The following MAP7D2 variants were observed in gnomAD, a reference collection of about 807,000 sequenced individuals.
The protein encoded by MAP7D2 is MAP7 domain containing 2.
A neutral mutation model predicts 63.5 loss-of-function variants in MAP7D2; 33 were observed. The ratio of observed to expected loss-of-function variants is 0.52; its 90% CI spans 0.39 to 0.70. The LOEUF (loss-of-function observed/expected upper bound fraction) is 0.70. Among genes scored for constraint, MAP7D2 ranks in the 30% least tolerant of loss-of-function variants. The pLI, the probability that MAP7D2 is intolerant of heterozygous loss-of-function variation, is 0.00. For synonymous variants in MAP7D2, 224 were observed against 223.7 expected (o/e 1.00, Z -0.01); for missense variants, 626 against 604.0 (o/e 1.04, Z -0.38).
intron 4 of MAP7D2, among the ~76,000 whole-genome samples, chrX:20,054,584 TTTC>T (rs2065026834): frequency 3.6e-5 from 4 of 110,543 alleles, no homozygotes; most frequent in African/African-American, 9.9e-5. Flanking sequence ...TCTCTGCACC[TTTC>T]TTTTTTCTTT....
At chrX:20,062,713 ATAAT>A (rs1261519189) in intron 3 of MAP7D2, among the ~76,000 whole-genome samples, 1 of 112,330 alleles carries the variant, frequency 8.9e-6, no homozygotes, top group Non-Finnish European at 1.9e-5. Flanking sequence ...AAGAAAATCT[ATAAT>A]CCAAATATGC....
chrX:20,058,792 G>A (rs2065128046), intron 3 of MAP7D2, among the ~76,000 whole-genome samples: 1 of 112,217 alleles, frequency 8.9e-6, no homozygotes, highest in Non-Finnish European at 1.9e-5. Context: ...GAGGATTTAT[G>A]GAACCCCAAA....
At chrX:20,016,533 T>C (rs763849853) in intron 10 of MAP7D2, among the ~76,000 whole-genome samples, 28 of 112,559 alleles carry the variant, frequency 2.5e-4, no homozygotes, top group African/African-American at 6.8e-4. Flanking sequence ...AGGCTTGACT[T>C]TAAATTCTGT....
intron 1 of MAP7D2, among the ~76,000 whole-genome samples, chrX:20,108,649 T>C (rs2066638725): frequency 9.1e-6 from 1 of 109,695 alleles, no homozygotes; most frequent in Non-Finnish European, 1.9e-5. Context: ...ACTTGTATTT[T>C]CCATGTCTTT....
chrX:20,046,540 T>C (rs753249272), intron 6 of MAP7D2, among the ~76,000 whole-genome samples: 2 of 112,428 alleles, frequency 1.8e-5, no homozygotes, highest in East Asian at 5.6e-4. Flanking sequence ...CTGACTATAT[T>C]TCCTCTACCT....
intron 1 of MAP7D2, among the ~76,000 whole-genome samples, chrX:20,090,972 CAA>C (rs1472092570): frequency 1.1e-5 from 1 of 89,165 alleles, no homozygotes. Context: ...TCATCTTAGA[CAA>C]AAAAAAAAGA....
intron 1 of MAP7D2, among the ~76,000 whole-genome samples, chrX:20,084,203 A>C (rs1323357399): frequency 3.7e-5 from 4 of 109,106 alleles, no homozygotes; most frequent in African/African-American, 1.3e-4. Flanking sequence ...TCACAAAAAA[A>C]AAAAAAAAAA....
chrX:20,087,496 G>A (rs1215278172), intron 1 of MAP7D2, among the ~76,000 whole-genome samples: 2 of 111,942 alleles, frequency 1.8e-5, no homozygotes, highest in Admixed American at 1.9e-4. Context: ...GATGCTTCTT[G>A]CAGTCTGCAG....
At chrX:20,107,948 A>C (rs2066616385) in intron 1 of MAP7D2, among the ~76,000 whole-genome samples, 1 of 111,934 alleles carries the variant, frequency 8.9e-6, no homozygotes, top group African/African-American at 3.3e-5. Flanking sequence ...CAGAACTATT[A>C]ATCTAAAGTT....
chrX:20,071,691 C>G (rs1053598629), intron 1 of MAP7D2, among the ~76,000 whole-genome samples: 10 of 112,571 alleles, frequency 8.9e-5, no homozygotes, highest in African/African-American at 3.2e-4. Context: ...CCAAAACAGT[C>G]TGCAGAAGGA....
At chrX:20,101,996 T>C (rs1335305359) in intron 1 of MAP7D2, among the ~76,000 whole-genome samples, 1 of 112,263 alleles carries the variant, frequency 8.9e-6, no homozygotes, top group Non-Finnish European at 1.9e-5. Flanking sequence ...AATTTAAAAA[T>C]AAGCAAAGCA....
intron 10 of MAP7D2, among the ~76,000 whole-genome samples, chrX:20,018,822 AC>A (rs1032241707): frequency 9.0e-6 from 1 of 110,778 alleles, no homozygotes; most frequent in African/African-American, 3.3e-5. Flanking sequence ...AACAAAACAA[AC>A]AACCCTGGCT....
intron 1 of MAP7D2, among the ~76,000 whole-genome samples, chrX:20,093,384 C>T (rs147690893): frequency 8.0e-5 from 9 of 111,973 alleles, no homozygotes; most frequent in Middle Eastern, 4.6e-3. Context: ...AGCCTGGGCG[C>T]GGTGGCTCAC....
At chrX:20,040,780 A>ATAT (rs2064633680) in intron 8 of MAP7D2, among the ~76,000 whole-genome samples, 2 of 111,491 alleles carry the variant, frequency 1.8e-5, no homozygotes, top group Admixed American at 9.6e-5. Flanking sequence ...ATCACAGATC[A>ATAT]CCATAATGGA....
rs767677297 is a variant in MAP7D2 at position 20,092,173 on chromosome X, C to T, written c.130+24577G>A. ...ACATAAATAGGGCTTGAATTCCATT[C>T]AAGAAGCTTTGGCTTATTTTTCACA... On this transcript the variant is annotated intron_variant, in intron 1 of 16. Coordinates refer to ENST00000379643, the MANE Select transcript of MAP7D2 (RefSeq NM_001168465.2). 3.3e-3 allele frequency among the ~76,000 whole-genome samples: 375 copies of T among 111,942 alleles called. 2 individuals are homozygous for T. Among genetic ancestry groups the T allele is most frequent in the Middle Eastern group, 0.014 (3 of 218 alleles).
chrX:20,095,587 T>C (rs867829662), intron 1 of MAP7D2, among the ~76,000 whole-genome samples: 23 of 110,721 alleles, frequency 2.1e-4, no homozygotes, highest in Admixed American at 3.9e-4. Context: ...ATAGCATTTC[T>C]ATATGATCCA....
chrX:20,025,607 A>G, intron 9 of MAP7D2, 74 bp downstream of exon 9: 1 of 1,140,571 alleles, frequency 8.8e-7, no homozygotes, highest in South Asian at 2.0e-5. Context: ...TCCCCAAAAC[A>G]TGAGAGAATG....
chrX:20,109,519 C>CAAAA (rs60683453), intron 1 of MAP7D2, among the ~76,000 whole-genome samples: 1 of 33,001 alleles, frequency 3.0e-5, no homozygotes, highest in Non-Finnish European at 5.5e-5. Context: ...GACTCCGTCT[C>CAAAA]AAAAAAAAAA....
chrX:20,115,777 C>A (rs2066875906), intron 1 of MAP7D2, among the ~76,000 whole-genome samples: 1 of 111,733 alleles, frequency 8.9e-6, no homozygotes, highest in Non-Finnish European at 1.9e-5. Flanking sequence ...AAAATACTCC[C>A]ATCTTCACTA....
Sources: gnomAD v4.1 joint callset for allele counts (sites outside exome capture counted in the v4.1 genomes callset) on GRCh38, gnomAD v4.1.1 for gene constraint, MANE v1.5 for transcripts, NCBI Gene and HGNC (gene_info 2026-07-23, HGNC 2026-07-21) for gene names.